Variants in WDR41 observed in about 807,000 individuals in gnomAD.
WDR41 encodes the protein WD repeat-containing protein 41.
WDR41 carries 63 observed loss-of-function variants against 69.3 expected under a neutral mutation model. The ratio of observed to expected loss-of-function variants is 0.91; its 90% CI spans 0.74 to 1.12. The LOEUF is 1.12. Among genes scored for constraint, WDR41 ranks in the 50% most tolerant of loss-of-function variants. The pLI is 0.00. For missense variants in WDR41, 543 were observed against 534.5 expected (o/e 1.02, Z -0.16); for synonymous variants, 185 against 192.1 (o/e 0.96, Z 0.31).
chr5:77,470,844 C>A (rs1353245763), intron 2 of WDR41, among the ~76,000 whole-genome samples: 1 of 143,792 alleles, frequency 7.0e-6, no homozygotes, highest in East Asian at 2.0e-4. Flanking sequence ...CTTTAACACC[C>A]TACTGTCAAC....
At chr5:77,512,357 T>G (rs56761176) in intron 1 of WDR41, among the ~76,000 whole-genome samples, 1 of 91,162 alleles carries the variant, frequency 1.1e-5, no homozygotes, top group Non-Finnish European at 2.4e-5. Flanking sequence ...AGAGAGTGAG[T>G]GTGTGTGTGT....
intron 1 of WDR41, among the ~76,000 whole-genome samples, chr5:77,500,893 A>G (rs1370500389): frequency 2.0e-5 from 3 of 152,244 alleles, no homozygotes; most frequent in Admixed American, 6.5e-5. Context: ...CTCAAGAAAC[A>G]TATTTCAGGA....
At chr5:77,611,500 A>T (rs1299251160) in intron 1 of WDR41, among the ~76,000 whole-genome samples, 3 of 152,156 alleles carry the variant, frequency 2.0e-5, no homozygotes, top group African/African-American at 4.8e-5. Context: ...GGATTAAGAA[A>T]CTCACTCAAA....
chr5:77,503,021 A>G (rs1237534552), intron 1 of WDR41, among the ~76,000 whole-genome samples: 5 of 152,110 alleles, frequency 3.3e-5, no homozygotes, highest in African/African-American at 1.2e-4. Flanking sequence ...AACAATATTA[A>G]CCTTAAATGT....
intron 1 of WDR41, chr5:77,545,896 G>C (rs1304203758): frequency 2.1e-5 from 11 of 530,926 alleles, no homozygotes; most frequent in Middle Eastern, 9.7e-4. Flanking sequence ...AGAGGCTACT[G>C]GGGGAACAAG....
At chr5:77,460,416 A>G (rs561389610) in intron 4 of WDR41, among the ~76,000 whole-genome samples, 1 of 152,336 alleles carries the variant, frequency 6.6e-6, no homozygotes, top group South Asian at 2.1e-4. Flanking sequence ...CCAGAATTCT[A>G]GTAGTATCTC....
chr5:77,609,636 C>T (rs1744502063), intron 1 of WDR41, among the ~76,000 whole-genome samples: 1 of 152,084 alleles, frequency 6.6e-6, no homozygotes, highest in African/African-American at 2.4e-5. Flanking sequence ...GAAAGGACAT[C>T]CACACCAAAA....
At chr5:77,481,771 C>T (rs1410200259) in intron 2 of WDR41, among the ~76,000 whole-genome samples, 3 of 117,442 alleles carry the variant, frequency 2.6e-5, no homozygotes, top group African/African-American at 3.5e-5. Context: ...GGCGACAGAG[C>T]GAGACTCCGT....
chr5:77,438,199 G>T (rs1231658658), intron 10 of WDR41, 41 bp downstream of exon 10: 1 of 1,612,062 alleles, frequency 6.2e-7, no homozygotes, highest in Admixed American at 1.7e-5. Context: ...TGGGAACTGT[G>T]ACTTGCTTTC....
chr5:77,559,663 A>G (rs1023765774), intron 1 of WDR41, among the ~76,000 whole-genome samples: 2 of 151,396 alleles, frequency 1.3e-5, no homozygotes, highest in African/African-American at 2.4e-5. Flanking sequence ...ATCTAATGTT[A>G]TATATAAAAC....
chr5:77,590,774 G>A (rs1744122172), intron 1 of WDR41, among the ~76,000 whole-genome samples: 1 of 152,160 alleles, frequency 6.6e-6, no homozygotes, highest in Non-Finnish European at 1.5e-5. Context: ...CTTATGCTAA[G>A]TAAAATATTT....
intron 1 of WDR41, among the ~76,000 whole-genome samples, chr5:77,504,860 C>T (rs1010295963): frequency 1.3e-5 from 2 of 152,018 alleles, no homozygotes; most frequent in African/African-American, 2.4e-5. Flanking sequence ...AACTAGGTAT[C>T]GATGGAACGT....
At chr5:77,556,578 C>T (rs11958237) in intron 1 of WDR41, among the ~76,000 whole-genome samples, 50,260 of 151,958 alleles carry the variant, frequency 0.33, 11,515 homozygotes, top group African/African-American at 0.63. Flanking sequence ...CAGCTAATTT[C>T]TGTATTGTTT....
intron 1 of WDR41, among the ~76,000 whole-genome samples, chr5:77,591,134 C>T (rs925897172): frequency 6.6e-6 from 1 of 151,896 alleles, no homozygotes; most frequent in Non-Finnish European, 1.5e-5. Context: ...TTTTTTCAAG[C>T]AATTTTCACT....
At chr5:77,495,373 C>T (rs1244977913), upstream of WDR41, among the ~76,000 whole-genome samples, 2 of 151,748 alleles carry the variant, frequency 1.3e-5, no homozygotes, top group African/African-American at 4.8e-5. Context: ...AATTTAAAAA[C>T]CTTTAGCTGG....
In WDR41 at chr5:77,432,387, T is replaced by TG. The variant is rs1798756911; in HGVS notation, c.*747dup. 6.6e-6 allele frequency: 1 copy of TG among 152,642 alleles called. No individual in the cohort carries two copies. Among genetic ancestry groups the TG allele is most frequent in the African/African-American group, 2.4e-5 (1 of 41,468 alleles). The allele number at this position is 152,642 out of a possible 1,614,324, so 9.5% of individuals were successfully genotyped here. ...GTTCGTATTTGAGTCAGTGGTCAGATGGGGCAGTTGCGCTCAGCTGCAGTC... is the reference window on the plus strand; with the variant it reads ...GTTCGTATTTGAGTCAGTGGTCAGATGGGGGCAGTTGCGCTCAGCTGCAGTC... On this transcript the variant is annotated 3_prime_UTR_variant, in exon 13 of 13. Coordinates refer to ENST00000296679, the MANE Select transcript of WDR41 (RefSeq NM_018268.4).
chr5:77,475,799 C>G (rs1800893244), intron 2 of WDR41, among the ~76,000 whole-genome samples: 1 of 152,154 alleles, frequency 6.6e-6, no homozygotes, highest in Admixed American at 6.5e-5. Flanking sequence ...TCCTCACCAG[C>G]AACGGAACAA....
chr5:77,619,034 C>A (rs1247517990), intron 1 of WDR41, among the ~76,000 whole-genome samples: 2 of 152,154 alleles, frequency 1.3e-5, no homozygotes, highest in African/African-American at 2.4e-5. Flanking sequence ...ATACAGCCTA[C>A]CTGACACTAG....
intron 1 of WDR41, among the ~76,000 whole-genome samples, chr5:77,573,737 T>C (rs1188079659): frequency 2.0e-5 from 3 of 152,152 alleles, no homozygotes; most frequent in African/African-American, 7.2e-5. Context: ...ACTTCAGAAA[T>C]TTCCGACAGA....
Sources: gnomAD v4.1 joint callset for allele counts (sites outside exome capture counted in the v4.1 genomes callset) on GRCh38, gnomAD v4.1.1 for gene constraint, MANE v1.5 for transcripts, NCBI Gene and HGNC (gene_info 2026-07-23, HGNC 2026-07-21) for gene names.